MINDY4: variants seen among roughly 807,000 people sequenced by gnomAD.
MINDY4 encodes the protein probable ubiquitin carboxyl-terminal hydrolase MINDY-4.
MINDY4 carries 68 observed loss-of-function variants against 87.0 expected under a neutral mutation model. That is an observed-to-expected ratio of 0.78 (90% CI 0.64 to 0.96). The LOEUF (loss-of-function observed/expected upper bound fraction) is 0.96, where lower values mean the gene tolerates loss of function less well. Among genes scored for constraint, MINDY4 ranks in the 40% least tolerant of loss-of-function variants. The pLI is 0.00. For synonymous variants in MINDY4, 379 were observed against 363.2 expected, an observed-to-expected ratio of 1.04 and a Z score of -0.50; for missense variants, 919 against 928.2, an observed-to-expected ratio of 0.99 and a Z score of 0.13.
In MINDY4 at chr7:30,775,293, AC is replaced by A. The variant is rs139238183; in HGVS notation, c.64-3134del. Among the ~76,000 whole-genome samples, 886 of 152,006 alleles carry A rather than the reference AC, an allele frequency of 5.8e-3. 8 individuals carry two copies. Among genetic ancestry groups the A allele is most frequent in the African/African-American group, 0.02 (841 of 41,464 alleles). Reference sequence around the variant, plus strand: ...TAGCTATAAATTGAGGGTTCCCACAACCCCCTCCACAGTTTTAATAATGTGC... The same window carrying A: ...TAGCTATAAATTGAGGGTTCCCACAACCCCTCCACAGTTTTAATAATGTGC... On this transcript the variant is annotated intron_variant, in intron 1 of 17. Transcript: ENST00000265299.
Position 30,836,677 on chromosome 7 carries a change from G to C in MINDY4, c.1152G>C (p.Leu384Phe). 1 of 1,614,146 alleles carries C rather than the reference G, an allele frequency of 6.2e-7. No homozygotes were observed. Among genetic ancestry groups the C allele is most frequent in the Non-Finnish European group, 8.5e-7 (1 of 1,179,976 alleles). The change falls in exon 7 of 18, where the codon TTG becomes TTC. Residue 384 changes from leucine (L) to phenylalanine (F), a missense_variant. Physicochemically the swap from Leu to Phe is conservative, Grantham distance 22 (BLOSUM62 0). Transcript: ENST00000265299. The stretch of plus-strand genomic sequence containing the variant: ...TTTCAGAGGATGTGGAGGATGAGTT[G>C]ATAAGGGAAGAGGTCATCCTGTCGC... Reference protein sequence around the residue: ...ALRLEDVEDELIREEVILSPV... With the variant: ...ALRLEDVEDEFIREEVILSPV...
At chr7:30,890,792 T>C (rs1200369825) in intron 17 of MINDY4, among the ~76,000 whole-genome samples, 2 of 152,066 alleles carry the variant, frequency 1.3e-5, no homozygotes, top group African/African-American at 4.8e-5. Context: ...GTCATAAACA[T>C]GGGGAACAGT....
intron 12 of MINDY4, among the ~76,000 whole-genome samples, chr7:30,856,492 A>G (rs2128572779): frequency 6.6e-6 from 1 of 151,732 alleles, no homozygotes; most frequent in South Asian, 2.1e-4. Flanking sequence ...CATAAATGTA[A>G]TAATAGTTCC....
At chr7:30,861,701 G>C (rs1264403167) in intron 13 of MINDY4, among the ~76,000 whole-genome samples, 1 of 152,246 alleles carries the variant, frequency 6.6e-6, no homozygotes, top group Non-Finnish European at 1.5e-5. Flanking sequence ...TACAAGCCGG[G>C]AATAATGGCC....
rs538116175 is a variant in MINDY4, at chr7:30,842,501, C to T, written c.1445+1653C>T. 6.6e-5 allele frequency among the ~76,000 whole-genome samples: 10 copies of T among 152,294 alleles called. No individual in the cohort carries two copies. The South Asian group carries it at 2.1e-3, about 32-fold the overall frequency. ...GGGATACTGAGCACATATGCACCTA[C>T]CTACCTACCCACCTTCCTTCCTTGC... On this transcript the variant is annotated intron_variant, in intron 9 of 17. Coordinates refer to ENST00000265299, the MANE Select transcript of MINDY4 (RefSeq NM_032222.3).
intron 12 of MINDY4, among the ~76,000 whole-genome samples, chr7:30,855,416 C>T (rs185718431): frequency 1.2e-3 from 181 of 152,304 alleles, no homozygotes; most frequent in Non-Finnish European, 2.1e-3. Flanking sequence ...TGATGGCATC[C>T]GTGTGTGGGA....
intron 5 of MINDY4, among the ~76,000 whole-genome samples, chr7:30,798,446 G>A (rs1457620483): frequency 6.6e-6 from 1 of 152,078 alleles, no homozygotes; most frequent in Non-Finnish European, 1.5e-5. Context: ...GGAGAAGCAG[G>A]TTTAGGTCAT....
chr7:30,795,548 G>T (rs558946339), intron 5 of MINDY4, among the ~76,000 whole-genome samples: 1 of 152,206 alleles, frequency 6.6e-6, no homozygotes, highest in Non-Finnish European at 1.5e-5. Flanking sequence ...GGCCATCAGG[G>T]TCAGGGACCA....
At chr7:30,864,672 A>G (rs1450343008) in intron 13 of MINDY4, among the ~76,000 whole-genome samples, 1 of 152,224 alleles carries the variant, frequency 6.6e-6, no homozygotes, top group Non-Finnish European at 1.5e-5. Context: ...GCACCATCAC[A>G]TATATATGGA....
chr7:30,845,262 C>T (rs1291382190), intron 9 of MINDY4, among the ~76,000 whole-genome samples: 1 of 152,132 alleles, frequency 6.6e-6, no homozygotes, highest in East Asian at 1.9e-4. Flanking sequence ...AAAAGATGAA[C>T]ACAGAAGAGT....
intron 1 of MINDY4, among the ~76,000 whole-genome samples, chr7:30,772,721 G>T (rs1003672321): frequency 3.3e-5 from 5 of 152,104 alleles, no homozygotes; most frequent in Non-Finnish European, 5.9e-5. Flanking sequence ...TGTCGCATCT[G>T]CCCTGTCTTT....
chr7:30,799,873 T>C (rs1016452789), intron 5 of MINDY4, among the ~76,000 whole-genome samples: 9 of 151,934 alleles, frequency 5.9e-5, no homozygotes, highest in African/African-American at 1.9e-4. Flanking sequence ...TCAGCAAAGG[T>C]GTGAGGGCTA....
In MINDY4 at chr7:30,800,324, G is replaced by A. The variant is rs182044558; in HGVS notation, c.1073+8750G>A. On this transcript the variant is annotated intron_variant, in intron 5 of 17. Coordinates refer to ENST00000265299, the MANE Select transcript of MINDY4 (RefSeq NM_032222.3). Reference sequence around the variant, plus strand: ...TTTACAGGTTAGGATACAGACTCCAGAAGGTGAGACTGAAACGAAACTGTT... The same window carrying A: ...TTTACAGGTTAGGATACAGACTCCAAAAGGTGAGACTGAAACGAAACTGTT... 2.5e-4 allele frequency among the ~76,000 whole-genome samples: 38 copies of A among 152,358 alleles called. No individual in the cohort carries two copies. In the East Asian group the frequency reaches 6.9e-3, roughly 28 times the overall value.
intron 11 of MINDY4, among the ~76,000 whole-genome samples, chr7:30,853,189 C>T (rs545014547): frequency 2.6e-5 from 4 of 152,350 alleles, no homozygotes; most frequent in African/African-American, 7.2e-5. Context: ...TGAACCCTGA[C>T]GACTCCAGCG....
Position 30,859,255 on chromosome 7 carries a change from A to G in MINDY4, c.1678-2A>G, listed in dbSNP as rs754187410. ...GAGCTCATTTTTCTCTCCCCCTCCC[A>G]GTTTGAAGTGGGCCCCTATGGCTGC... On this transcript the variant is annotated splice_acceptor_variant, in intron 12 of 17. Coordinates refer to ENST00000265299, the MANE Select transcript of MINDY4 (RefSeq NM_032222.3). LOFTEE classifies it high-confidence loss of function. 2 of 1,613,922 alleles carry G rather than the reference A, an allele frequency of 1.2e-6. No homozygotes were observed. The highest frequency in any genetic ancestry group is 1.7e-6 in the Non-Finnish European group (2 of 1,179,906).
At chr7:30,818,504 C>T (rs1352604845) in intron 5 of MINDY4, among the ~76,000 whole-genome samples, 2 of 152,100 alleles carry the variant, frequency 1.3e-5, no homozygotes, top group African/African-American at 2.4e-5. Context: ...CTATTATTAG[C>T]CCCATTAGAT....
intron 5 of MINDY4, among the ~76,000 whole-genome samples, chr7:30,793,936 C>T (rs894293335): frequency 3.9e-5 from 6 of 152,116 alleles, no homozygotes; most frequent in African/African-American, 1.4e-4. Flanking sequence ...TCCTTCAACC[C>T]AGCAATTATT....
intron 5 of MINDY4, among the ~76,000 whole-genome samples, chr7:30,793,271 T>G (rs1787379742): frequency 6.6e-6 from 1 of 151,618 alleles, no homozygotes; most frequent in South Asian, 2.1e-4. Flanking sequence ...ATTTGGAACT[T>G]TAAATCCAGT....
intron 5 of MINDY4, among the ~76,000 whole-genome samples, chr7:30,801,175 A>G (rs1252185687): frequency 2.0e-5 from 3 of 152,162 alleles, no homozygotes; most frequent in Non-Finnish European, 4.4e-5. Flanking sequence ...AGGATGTGGC[A>G]TTTGCGGTTC....
Sources: allele counts gnomAD v4.1 joint callset (sites outside exome capture counted in the v4.1 genomes callset), GRCh38; gene constraint gnomAD v4.1.1; transcripts MANE v1.5; gene names NCBI Gene and HGNC (gene_info 2026-07-23, HGNC 2026-07-21).